The following CFHR5 variants were observed in gnomAD, a reference collection of about 807,000 sequenced individuals.
CFHR5 encodes the protein complement factor H related 5, also known as complement factor H-related protein 5.
Under a neutral mutation model 62.9 loss-of-function variants are expected in CFHR5, and 73 were observed. That is an observed-to-expected ratio of 1.16 (90% CI 0.96 to 1.41). The LOEUF (loss-of-function observed/expected upper bound fraction) is 1.41. Ranked by LOEUF, CFHR5 falls within the 40% of genes most tolerant of loss-of-function variation. The probability of loss-of-function intolerance (pLI) is 0.00; values close to 1 mark genes in which losing one functional copy is unlikely to be tolerated. For synonymous variants in CFHR5, 249 were observed against 227.2 expected, an observed-to-expected ratio of 1.10 and a Z score of -0.86; for missense variants, 779 against 679.9, an observed-to-expected ratio of 1.15 and a Z score of -1.62.
intron 1 of CFHR5, among the ~76,000 whole-genome samples, chr1:196,979,797 T>C (rs1375289128): frequency 6.6e-6 from 1 of 152,102 alleles, no homozygotes; most frequent in Non-Finnish European, 1.5e-5. Context: ...AGTTCTTTAG[T>C]GCTAATTACT....
chr1:196,987,539 A>G (rs938370271), intron 3 of CFHR5, among the ~76,000 whole-genome samples: 4 of 152,256 alleles, frequency 2.6e-5, no homozygotes, highest in Non-Finnish European at 5.9e-5. Context: ...TAATTTTTGT[A>G]TAAGGTGTAA....
At chr1:196,976,519 C>T (rs1472373440), upstream of CFHR5, among the ~76,000 whole-genome samples, 1 of 152,078 alleles carries the variant, frequency 6.6e-6, no homozygotes. Flanking sequence ...AATTGGGCTG[C>T]GAGACAGAGG....
At position 197,002,750 on chromosome 1, in the gene CFHR5, T is replaced by A. The variant is rs1040283704; in HGVS notation, c.1330+86T>A. On this transcript the variant is annotated intron_variant, in intron 8 of 9. Coordinates refer to ENST00000256785, the MANE Select transcript of CFHR5 (RefSeq NM_030787.4). ...ATCTAAAGAAAGAAACAAGAACTTA[T>A]GACTAATCTGTTGCACTGTACCCCA... 2.7e-6 allele frequency: 3 copies of A among 1,119,012 alleles called. No homozygotes were observed. In the Admixed American group the frequency reaches 5.9e-5, roughly 22 times the overall value. 69.3% of individuals were successfully genotyped at this position (1,119,012 alleles called of 1,614,324 possible).
At chr1:196,981,318 C>A (rs981198296) in intron 1 of CFHR5, among the ~76,000 whole-genome samples, 4 of 151,820 alleles carry the variant, frequency 2.6e-5, no homozygotes, top group African/African-American at 7.3e-5. Context: ...ATAGAATGTA[C>A]AATATCAAGA....
At chr1:196,982,757 G>A in intron 1 of CFHR5, 128 bp from the exon 2 acceptor site, 1 of 785,352 alleles carries the variant, frequency 1.3e-6, no homozygotes, top group Non-Finnish European at 2.2e-6. Flanking sequence ...ACACTGGAAA[G>A]CATTTAAGCT....
intron 3 of CFHR5, among the ~76,000 whole-genome samples, chr1:196,985,034 G>T (rs927387966): frequency 6.6e-6 from 1 of 152,120 alleles, no homozygotes; most frequent in Non-Finnish European, 1.5e-5. Flanking sequence ...TGTACTGGGT[G>T]ATTTCCAGCA....
At chr1:196,990,469 T>C (rs951964645) in intron 3 of CFHR5, among the ~76,000 whole-genome samples, 4 of 152,300 alleles carry the variant, frequency 2.6e-5, no homozygotes, top group East Asian at 1.9e-4. Context: ...CTAGCATAGA[T>C]GGTCTTTACA....
chr1:197,000,207 A>T (rs1218348993), intron 7 of CFHR5, among the ~76,000 whole-genome samples: 1 of 152,104 alleles, frequency 6.6e-6, no homozygotes, highest in East Asian at 1.9e-4. Context: ...AGTTTTGAGA[A>T]GAGCTGGTAG....
upstream of CFHR5, chr1:196,977,502 C>T (rs1403862216): frequency 2.8e-6 from 2 of 709,244 alleles, no homozygotes; most frequent in Non-Finnish European, 5.2e-6. Context: ...TCACACAACC[C>T]TCCATGAACT....
Position 197,009,025 on chromosome 1 carries a change from A to G in CFHR5, c.*342A>G, listed in dbSNP as rs1654368291. The G allele has an allele frequency of 4.5e-6, 1 of 219,914 alleles. No homozygotes were observed. The allele number at this position is 219,914 out of a possible 1,614,324, so 13.6% of individuals were successfully genotyped here. ...GAGGGTCTTCTCGAAGCATCATAAT[A>G]TGCTGGAAGGCATCACAACATGGTG... On this transcript the variant is annotated 3_prime_UTR_variant, in exon 10 of 10. Transcript: ENST00000256785.
At chr1:196,999,443 G>A (rs1654074438) in intron 7 of CFHR5, among the ~76,000 whole-genome samples, 1 of 151,260 alleles carries the variant, frequency 6.6e-6, no homozygotes, top group Non-Finnish European at 1.5e-5. Context: ...CCCTATAGAT[G>A]ACTTTTTGTA....
At chr1:196,982,673 C>G (rs1653571621) in intron 1 of CFHR5, among the ~76,000 whole-genome samples, 1 of 140,836 alleles carries the variant, frequency 7.1e-6, no homozygotes, top group African/African-American at 3.1e-5. Flanking sequence ...CTGAAACTCC[C>G]TCTCAAAAAA....
chr1:196,987,871 T>C (rs1653737714), intron 3 of CFHR5, among the ~76,000 whole-genome samples: 1 of 152,204 alleles, frequency 6.6e-6, no homozygotes, highest in African/African-American at 2.4e-5. Context: ...TGATTCCATA[T>C]GAACTTTAAA....
chr1:196,983,179 C>T (rs1571512373), intron 2 of CFHR5, 100 bp downstream of exon 2: 1 of 1,514,394 alleles, frequency 6.6e-7, no homozygotes, highest in Non-Finnish European at 9.1e-7. Flanking sequence ...AGGGCAATGA[C>T]CAGAGGAGCT....
intron 1 of CFHR5, among the ~76,000 whole-genome samples, chr1:196,978,502 A>G (rs1653455094): frequency 6.6e-6 from 1 of 152,130 alleles, no homozygotes; most frequent in African/African-American, 2.4e-5. Context: ...GATTTCCAGA[A>G]AGTTTTTATT....
chr1:197,008,757 C>A lies in CFHR5; in HGVS notation c.*74C>A. ...AAAAGTAGCCATTATGTAGCCAATT[C>A]TGTAGTTACTTCTTTTATTCTTTCA... On this transcript the variant is annotated 3_prime_UTR_variant, in exon 10 of 10. Coordinates refer to ENST00000256785, the MANE Select transcript of CFHR5 (RefSeq NM_030787.4). The A allele has an allele frequency of 8.6e-7, 1 of 1,164,060 alleles. No individual in the cohort carries two copies. Among genetic ancestry groups the A allele is most frequent in the Non-Finnish European group, 1.3e-6 (1 of 774,696 alleles). 72.1% of individuals were successfully genotyped at this position (1,164,060 alleles called of 1,614,324 possible). A position where few individuals can be genotyped will look rare whatever the true frequency, so the allele number is the denominator to read the frequency against.
Position 196,995,713 on chromosome 1 carries a change from A to G in CFHR5, c.608-4A>G. 1 of 1,611,322 alleles carries G rather than the reference A, an allele frequency of 6.2e-7. No homozygotes were observed. The highest frequency in any genetic ancestry group is 1.1e-5 in the South Asian group (1 of 91,014). On this transcript the variant is annotated splice_region_variant and splice_polypyrimidine_tract_variant and intron_variant, in intron 4 of 9. Coordinates refer to ENST00000256785, the MANE Select transcript of CFHR5 (RefSeq NM_030787.4). ...AAGCATTATTTATGGTTTCTTTATA[A>G]TAGGACAAGTACGATCATGTGGTCC...
chr1:197,004,522 C>T (rs1206719709), intron 8 of CFHR5, 139 bp from the exon 9 acceptor site: 11 of 711,532 alleles, frequency 1.5e-5, no homozygotes, highest in Non-Finnish European at 1.9e-5. Context: ...TGTTTTGAAT[C>T]AGACTTTATG....
intron 3 of CFHR5, among the ~76,000 whole-genome samples, chr1:196,989,628 C>T (rs1653787506): frequency 6.6e-6 from 1 of 152,096 alleles, no homozygotes; most frequent in Admixed American, 6.5e-5. Flanking sequence ...TTGTTATTTA[C>T]CTGGTAGTCA....
Sources: gnomAD v4.1 joint callset for allele counts (sites outside exome capture counted in the v4.1 genomes callset) on GRCh38, gnomAD v4.1.1 for gene constraint, MANE v1.5 for transcripts, NCBI Gene and HGNC (gene_info 2026-07-23, HGNC 2026-07-21) for gene names.